Variants in STPG2 observed in about 807,000 individuals in gnomAD.
The protein encoded by STPG2 is sperm-tail PG-rich repeat-containing protein 2.
In STPG2, 56 loss-of-function variants were observed where a neutral mutation model predicts 54.2. The ratio of observed to expected loss-of-function variants is 1.03; its 90% confidence interval spans 0.83 to 1.29. The LOEUF is 1.29. Ranked by LOEUF, STPG2 falls within the 50% of genes most tolerant of loss-of-function variation. STPG2 has a pLI of 0.00. For missense variants in STPG2, 596 were observed against 544.9 expected (o/e 1.09, Z -0.93); for synonymous variants, 200 against 181.8 (o/e 1.10, Z -0.81).
intron 10 of STPG2, among the ~76,000 whole-genome samples, chr4:97,603,618 C>CAT (rs138683274): frequency 0.015 from 2,252 of 151,310 alleles, 51 homozygotes; most frequent in African/African-American, 0.052. Context: ...TATACACACA[C>CAT]ATATATATAT....
At chr4:97,654,697 C>T (rs1722170071) in intron 10 of STPG2, among the ~76,000 whole-genome samples, 2 of 151,818 alleles carry the variant, frequency 1.3e-5, no homozygotes, top group African/African-American at 4.8e-5. Flanking sequence ...CTGAGAAGAG[C>T]GGCCAGAACA....
At chr4:97,666,090 G>A (rs920863103) in intron 10 of STPG2, among the ~76,000 whole-genome samples, 1 of 152,056 alleles carries the variant, frequency 6.6e-6, no homozygotes, top group Non-Finnish European at 1.5e-5. Context: ...GCCTCTGCTT[G>A]CTCCCAGCCC....
chr4:97,717,764 A>C (rs1461201097), intron 9 of STPG2, among the ~76,000 whole-genome samples: 1 of 152,168 alleles, frequency 6.6e-6, no homozygotes, highest in Non-Finnish European at 1.5e-5. Flanking sequence ...ACAGGAACCA[A>C]CTGGAAGGAA....
At chr4:98,062,504 G>A (rs565381306) in intron 5 of STPG2, among the ~76,000 whole-genome samples, 12 of 152,140 alleles carry the variant, frequency 7.9e-5, no homozygotes, top group South Asian at 4.1e-4. Context: ...TATAATAGTC[G>A]AGAATCCTTC....
chr4:98,012,931 A>T (rs1735804570), intron 5 of STPG2, among the ~76,000 whole-genome samples: 1 of 152,206 alleles, frequency 6.6e-6, no homozygotes, highest in African/African-American at 2.4e-5. Flanking sequence ...TCCTATCTGA[A>T]TACTCTTTAA....
At chr4:97,979,836 T>C (rs1268947933) in intron 6 of STPG2, among the ~76,000 whole-genome samples, 1 of 151,326 alleles carries the variant, frequency 6.6e-6, no homozygotes, top group Non-Finnish European at 1.5e-5. Flanking sequence ...GCAATTCCCC[T>C]GCCTCAGCCT....
At chr4:97,959,601 AGAG>A in intron 7 of STPG2, among the ~76,000 whole-genome samples, 1 of 152,176 alleles carries the variant, frequency 6.6e-6, no homozygotes, top group Admixed American at 6.5e-5. Flanking sequence ...TAGAAAACCT[AGAG>A]GAGATGGATA....
chr4:97,707,518 C>T (rs1005305726), intron 10 of STPG2, among the ~76,000 whole-genome samples: 2 of 151,612 alleles, frequency 1.3e-5, no homozygotes, highest in East Asian at 3.9e-4. Flanking sequence ...GAGACCCTGT[C>T]TCAAAAAAAT....
At chr4:97,541,448 C>T (rs2148861882) in intron 4 of STPG2, among the ~76,000 whole-genome samples, 1 of 152,226 alleles carries the variant, frequency 6.6e-6, no homozygotes, top group South Asian at 2.1e-4. Flanking sequence ...GAACTACAAA[C>T]CACTGCTCAA....
At chr4:97,974,879 C>T (rs946101566) in intron 6 of STPG2, among the ~76,000 whole-genome samples, 12 of 152,048 alleles carry the variant, frequency 7.9e-5, no homozygotes, top group African/African-American at 2.4e-5. Context: ...TAGGTATTTT[C>T]CCAAAAGAAA....
chr4:97,712,562 C>T (rs1023253103), intron 10 of STPG2, 137 bp downstream of exon 10: 2 of 510,820 alleles, frequency 3.9e-6, no homozygotes, highest in African/African-American at 2.0e-5. Flanking sequence ...CTTCAAAAAT[C>T]TCCTTAGTCA....
At chr4:97,466,035 A>G (rs1729781130) in intron 4 of STPG2, among the ~76,000 whole-genome samples, 1 of 152,148 alleles carries the variant, frequency 6.6e-6, no homozygotes, top group Non-Finnish European at 1.5e-5. Flanking sequence ...AAATAGCCCA[A>G]TGGAGAAGTT....
rs1304309019 is a variant in STPG2 at position 98,130,930 on chromosome 4, A to C, written c.223-2338T>G. On this transcript the variant is annotated intron_variant, in intron 2 of 10. Coordinates refer to ENST00000295268, the MANE Select transcript of STPG2 (RefSeq NM_174952.3). The stretch of plus-strand genomic sequence containing the variant: ...GAGCGAGACTCCGTCTCAAAAAAAA[A>C]AAAAAAAAACAAAAAAAAAACGACT... Among the ~76,000 whole-genome samples the C allele has an allele frequency of 1.1e-4, 16 of 143,262 alleles. 1 individual carries two copies. The highest frequency in any genetic ancestry group is 4.4e-4 in the South Asian group (2 of 4,528). 94.0% of individuals were successfully genotyped at this position (143,262 alleles called of 152,430 possible). A position where few individuals can be genotyped will look rare whatever the true frequency, so the allele number is the denominator to read the frequency against.
intron 8 of STPG2, among the ~76,000 whole-genome samples, chr4:97,863,943 T>C (rs2149144571): frequency 6.6e-6 from 1 of 152,290 alleles, no homozygotes; most frequent in Middle Eastern, 3.4e-3. Flanking sequence ...TGATGGGATG[T>C]ATCTAAAAAT....
At chr4:98,005,764 G>C (rs1260143915) in intron 5 of STPG2, among the ~76,000 whole-genome samples, 1 of 152,012 alleles carries the variant, frequency 6.6e-6, no homozygotes, top group Non-Finnish European at 1.5e-5. Flanking sequence ...TATTTAATTT[G>C]ACTTGATAGT....
rs1434698995 is a variant in STPG2 at position 97,508,596 on chromosome 4, AT to A, written c.462+204102del. 2.0e-5 allele frequency among the ~76,000 whole-genome samples: 3 copies of A among 152,256 alleles called. No homozygotes were observed. The East Asian group carries it at 5.8e-4, about 29-fold the overall frequency. On this transcript the variant is annotated intron_variant, in intron 4 of 4. Transcript: ENST00000522676. ...CATACCATATCAACAAATATTAATT[AT>A]TAATTCAGTATTACTGTGTTATTCA... is the stretch of plus-strand genomic sequence containing the variant.
intron 10 of STPG2, among the ~76,000 whole-genome samples, chr4:97,632,297 T>A (rs985575697): frequency 2.6e-5 from 4 of 150,994 alleles, no homozygotes; most frequent in Non-Finnish European, 5.9e-5. Flanking sequence ...TTTTTTTTTT[T>A]TTATTTCTGA....
At chr4:97,984,288 G>A (rs1365243979) in intron 5 of STPG2, among the ~76,000 whole-genome samples, 1 of 152,064 alleles carries the variant, frequency 6.6e-6, no homozygotes. Context: ...GGAATTACAA[G>A]CACATGCCAC....
chr4:98,100,518 TTAC>T (rs1261011685), intron 5 of STPG2, among the ~76,000 whole-genome samples: 1 of 152,078 alleles, frequency 6.6e-6, no homozygotes, highest in Non-Finnish European at 1.5e-5. Context: ...TTTCAAGGAC[TTAC>T]TACCTATAAC....
Sources: gnomAD v4.1 joint callset for allele counts (sites outside exome capture counted in the v4.1 genomes callset) on GRCh38, gnomAD v4.1.1 for gene constraint, MANE v1.5 for transcripts, NCBI Gene and HGNC (gene_info 2026-07-23, HGNC 2026-07-21) for gene names.